The following ZMYND8 variants were observed in gnomAD, a reference collection of about 807,000 sequenced individuals.
The protein encoded by ZMYND8 is zinc finger MYND-type containing 8.
In ZMYND8, 37 loss-of-function variants were observed where a neutral mutation model predicts 140.8. That is an observed-to-expected ratio of 0.26 (90% confidence interval 0.20 to 0.35). The LOEUF (loss-of-function observed/expected upper bound fraction) is 0.35. Ranked by LOEUF, ZMYND8 falls within the 10% of genes least tolerant of loss-of-function variation. The pLI is 1.00. For missense variants in ZMYND8, 1,068 were observed against 1,570.0 expected, an observed-to-expected ratio of 0.68 and a Z score of 5.40; for synonymous variants, 592 against 597.1, an observed-to-expected ratio of 0.99 and a Z score of 0.12.
chr20:47,252,419 T>A (rs536019956), intron 12 of ZMYND8, among the ~76,000 whole-genome samples: 1 of 151,968 alleles, frequency 6.6e-6, no homozygotes, highest in East Asian at 1.9e-4. Flanking sequence ...CCCTCGGAAT[T>A]TCCACTTTCA....
At chr20:47,211,049 G>T in intron 22 of ZMYND8, 152 bp from the exon 23 acceptor site, 1 of 1,089,910 alleles carries the variant, frequency 9.2e-7, no homozygotes, top group Non-Finnish European at 1.3e-6. Context: ...CCCTGCATCT[G>T]TGGGTCTGTA....
At chr20:47,325,427 C>A (rs1004403989) in intron 2 of ZMYND8, among the ~76,000 whole-genome samples, 3 of 152,128 alleles carry the variant, frequency 2.0e-5, no homozygotes, top group East Asian at 3.9e-4. Flanking sequence ...GGTGGGCCAG[C>A]CAACCTGACT....
At chr20:47,251,991 AAAG>A (rs1361038644) in intron 12 of ZMYND8, among the ~76,000 whole-genome samples, 1 of 152,050 alleles carries the variant, frequency 6.6e-6, no homozygotes, top group Admixed American at 6.5e-5. Flanking sequence ...TTAAAAAAAA[AAAG>A]AAAGAAAGAA....
In ZMYND8 at chr20:47,351,284, AAG is replaced by A. The variant is rs145630124; in HGVS notation, c.15-3360_15-3359del. 5.7e-3 allele frequency among the ~76,000 whole-genome samples: 870 copies of A among 152,186 alleles called. 11 individuals carry two copies. The highest frequency in any genetic ancestry group is 0.027 in the Admixed American group (406 of 15,282). On this transcript the variant is annotated intron_variant, in intron 1 of 22. Coordinates refer to ENST00000471951, the MANE Select transcript of ZMYND8 (RefSeq NM_001281775.3). ...GGAATCTCATCTCCTCAACACTTCC[AAG>A]AGAGAGAAAAAAGAAAGCATCTAGT...
rs537595254 is a variant in ZMYND8, at chr20:47,265,569, T to C, written c.1481-3141A>G. On this transcript the variant is annotated intron_variant, in intron 11 of 22. Coordinates refer to ENST00000471951, the MANE Select transcript of ZMYND8 (RefSeq NM_001281775.3). ...AATTCTCCTGCCTCAGTCTCCGGAG[T>C]AGCTGGGGCTACAGGTATGTGCCAC... Among the ~76,000 whole-genome samples the C allele has an allele frequency of 7.2e-5, 11 of 152,204 alleles. No individual in the cohort carries two copies. The East Asian group carries it at 2.1e-3, about 29-fold the overall frequency.
chr20:47,245,976 T>C, intron 14 of ZMYND8, 32 bp downstream of exon 14: 1 of 1,543,470 alleles, frequency 6.5e-7, no homozygotes, highest in Non-Finnish European at 8.7e-7. Context: ...TAAACCAAAT[T>C]AAGAAAACTG....
intron 3 of ZMYND8, among the ~76,000 whole-genome samples, chr20:47,307,389 C>G (rs978928760): frequency 3.3e-5 from 5 of 151,708 alleles, no homozygotes; most frequent in Admixed American, 3.3e-4. Flanking sequence ...ACCCAGGAGG[C>G]AGAGGTTGCA....
chr20:47,285,551 A>G lies in ZMYND8; in HGVS notation c.804+1678T>C, dbSNP rs188461137. ...GGGGCAGGGGGGCACATATTTACAT[A>G]TAGTTTTGTAATTACAACTCCCAAT... is the stretch of plus-strand genomic sequence containing the variant. On this transcript the variant is annotated intron_variant, in intron 8 of 22. Coordinates refer to ENST00000471951, the MANE Select transcript of ZMYND8 (RefSeq NM_001281775.3). 5.2e-5 allele frequency: 23 copies of G among 442,462 alleles called. No individual in the cohort carries two copies. The East Asian group carries it at 2.5e-3, about 48-fold the overall frequency. The allele number at this position is 442,462 out of a possible 1,614,324, so 27.4% of individuals were successfully genotyped here.
intron 15 of ZMYND8, chr20:47,237,164 T>G (rs1260127823): frequency 7.2e-6 from 1 of 139,726 alleles, no homozygotes; most frequent in African/African-American, 3.1e-5. Context: ...TTTTTTTTTT[T>G]GACAGTCTCA....
intron 16 of ZMYND8, among the ~76,000 whole-genome samples, chr20:47,232,711 T>C (rs2147101523): frequency 6.6e-6 from 1 of 152,174 alleles, no homozygotes; most frequent in South Asian, 2.1e-4. Flanking sequence ...GAAGGTGATG[T>C]AAGGACAACC....
At chr20:47,317,029 C>T (rs2079459705) in intron 2 of ZMYND8, among the ~76,000 whole-genome samples, 1 of 152,106 alleles carries the variant, frequency 6.6e-6, no homozygotes, top group Admixed American at 6.6e-5. Context: ...AATCTCTGTA[C>T]CACATGGCCT....
In ZMYND8 at chr20:47,249,452, A is replaced by G. The variant is rs2147328575; in HGVS notation, c.1622-13T>C. The G allele has an allele frequency of 3.7e-6, 6 of 1,613,568 alleles. No homozygotes were observed. Among genetic ancestry groups the G allele is most frequent in the Non-Finnish European group, 5.1e-6 (6 of 1,179,606 alleles). The stretch of plus-strand genomic sequence containing the variant: ...GCTTTGCTTCGATCTGAAAGAAACC[A>G]TCACACCCTCGTAAGATCAGGCACA... On this transcript the variant is annotated splice_polypyrimidine_tract_variant and intron_variant, in intron 12 of 22. Coordinates refer to ENST00000471951, the MANE Select transcript of ZMYND8 (RefSeq NM_001281775.3).
chr20:47,349,321 A>T (rs2082588311), intron 1 of ZMYND8, among the ~76,000 whole-genome samples: 1 of 152,220 alleles, frequency 6.6e-6, no homozygotes, highest in South Asian at 2.1e-4. Context: ...TAACAATTTC[A>T]TTTACACCGC....
At chr20:47,326,283 G>C (rs1182771997) in intron 2 of ZMYND8, among the ~76,000 whole-genome samples, 1 of 151,920 alleles carries the variant, frequency 6.6e-6, no homozygotes, top group East Asian at 1.9e-4. Flanking sequence ...GTATTTTTTA[G>C]TAGAGATGGG....
chr20:47,277,957 C>G (rs1270535923), intron 10 of ZMYND8, among the ~76,000 whole-genome samples: 1 of 151,998 alleles, frequency 6.6e-6, no homozygotes, highest in African/African-American at 2.4e-5. Flanking sequence ...AGGTGTTAGC[C>G]ACCGTGCCCA....
intron 2 of ZMYND8, among the ~76,000 whole-genome samples, chr20:47,339,381 A>G (rs570262447): frequency 3.3e-5 from 5 of 152,330 alleles, no homozygotes; most frequent in South Asian, 4.1e-4. Context: ...ATGGCAGAAC[A>G]GTCATTCTCA....
At chr20:47,348,318 A>C in intron 1 of ZMYND8, 1 of 248,282 alleles carries the variant, frequency 4.0e-6, no homozygotes, top group Non-Finnish European at 7.9e-6. Flanking sequence ...GGGTATCCAG[A>C]ATTCTGATCG....
At chr20:47,223,231 C>T (rs544671145) in intron 19 of ZMYND8, among the ~76,000 whole-genome samples, 2 of 152,176 alleles carry the variant, frequency 1.3e-5, no homozygotes, top group South Asian at 2.1e-4. Flanking sequence ...ATAGGCTGGG[C>T]GTGGTGGCTC....
At chr20:47,356,237 C>G (rs1163768463) in intron 1 of ZMYND8, 8 of 765,860 alleles carry the variant, frequency 1.0e-5, no homozygotes, top group Non-Finnish European at 1.4e-5. Context: ...CTTCCCCCAG[C>G]AGGGCATGTG....
Sources: allele counts gnomAD v4.1 joint callset (sites outside exome capture counted in the v4.1 genomes callset), GRCh38; gene constraint gnomAD v4.1.1; transcripts MANE v1.5; gene names NCBI Gene and HGNC (gene_info 2026-07-23, HGNC 2026-07-21).